The following POC1B variants were observed in gnomAD, a reference collection of about 807,000 sequenced individuals.
The protein encoded by POC1B is POC1 centriolar protein B.
Under a neutral mutation model 60.6 loss-of-function variants are expected in POC1B, and 44 were observed. The observed-to-expected ratio is 0.73, with a 90% CI of 0.57 to 0.93. The LOEUF (loss-of-function observed/expected upper bound fraction) is 0.93. POC1B is among the 40% of genes least tolerant of loss of function. The probability of loss-of-function intolerance (pLI) is 0.00; values close to 1 mark genes in which losing one functional copy is unlikely to be tolerated. For missense variants in POC1B, 555 were observed against 572.3 expected (o/e 0.97, Z 0.31); for synonymous variants, 180 against 198.9 (o/e 0.90, Z 0.80).
At chr12:89,410,816 G>A in the POC1B span, among the ~76,000 whole-genome samples, 1 of 152,282 alleles carries the variant, frequency 6.6e-6, no homozygotes, top group East Asian at 1.9e-4. Context: ...AATAGGAAAA[G>A]AAGAAGCCAA....
At chr12:89,489,261 G>C (rs1235839937) in intron 4 of POC1B, among the ~76,000 whole-genome samples, 1 of 152,162 alleles carries the variant, frequency 6.6e-6, no homozygotes, top group Non-Finnish European at 1.5e-5. Context: ...CTATGTGGCA[G>C]GTTACTACTA....
At chr12:89,451,712 C>T (rs900571132) in intron 10 of POC1B, among the ~76,000 whole-genome samples, 1 of 152,152 alleles carries the variant, frequency 6.6e-6, no homozygotes, top group African/African-American at 2.4e-5. Flanking sequence ...GCAGGAAGAA[C>T]TGACTGAAAA....
At chr12:89,453,125 T>C (rs1365108040) in intron 10 of POC1B, among the ~76,000 whole-genome samples, 1 of 152,240 alleles carries the variant, frequency 6.6e-6, no homozygotes, top group African/African-American at 2.4e-5. Flanking sequence ...TTAGTTATCA[T>C]GTATGTTCTG....
intron 10 of POC1B, among the ~76,000 whole-genome samples, chr12:89,452,768 A>G (rs1018306569): frequency 4.6e-5 from 7 of 152,120 alleles, no homozygotes; most frequent in Non-Finnish European, 1.0e-4. Flanking sequence ...TAAACTTTAC[A>G]GCTATACAGA....
intron 2 of POC1B, among the ~76,000 whole-genome samples, chr12:89,507,280 A>C (rs1343039776): frequency 6.6e-6 from 1 of 150,544 alleles, no homozygotes; most frequent in African/African-American, 2.4e-5. Flanking sequence ...AAAAAAAAAA[A>C]AAAAAAAAAA....
downstream of POC1B, among the ~76,000 whole-genome samples, chr12:89,415,775 A>T (rs1880353715): frequency 6.6e-6 from 1 of 152,228 alleles, no homozygotes; most frequent in African/African-American, 2.4e-5. Flanking sequence ...TTTTATGGTT[A>T]AGGAAACTAA....
Position 89,459,728 on chromosome 12 carries a change from T to C in POC1B, c.1033-10A>G. ...CAAGCTTTGGATTAATCTGTGTATA[T>C]ACATAAAAAAAAATTATGAGATTTT... On this transcript the variant is annotated splice_polypyrimidine_tract_variant and intron_variant, in intron 9 of 11. Transcript: ENST00000313546. 1 of 1,424,772 alleles carries C rather than the reference T, an allele frequency of 7.0e-7. No homozygotes were observed. Among genetic ancestry groups the C allele is most frequent in the Non-Finnish European group, 9.4e-7 (1 of 1,066,006 alleles). The allele number at this position is 1,424,772 out of a possible 1,614,324, so 88.3% of individuals were successfully genotyped here. A position where few individuals can be genotyped will look rare whatever the true frequency, so the allele number is the denominator to read the frequency against.
rs189731150 is a variant in POC1B at position 89,462,962 on chromosome 12, T to C, written c.1033-3244A>G. Among the ~76,000 whole-genome samples the C allele has an allele frequency of 8.5e-4, 129 of 152,304 alleles. 1 individual carries two copies. The highest frequency in any genetic ancestry group is 3.9e-3 in the Admixed American group (59 of 15,298). On this transcript the variant is annotated intron_variant, in intron 9 of 11. Transcript: ENST00000313546. ...AGTTAGAAGTAGAATACAAAATGGA[T>C]AGACAAGTGGTCATTTTAAAAAATC...
chr12:89,467,541 G>C (rs1017152814), intron 8 of POC1B, 76 bp downstream of exon 8: 5 of 1,211,140 alleles, frequency 4.1e-6, no homozygotes, highest in Middle Eastern at 3.8e-4. Flanking sequence ...AAACTAGCTG[G>C]TTGTAAAACT....
At chr12:89,503,101 C>CCCTATT (rs1869667315) in intron 2 of POC1B, among the ~76,000 whole-genome samples, 2 of 152,054 alleles carry the variant, frequency 1.3e-5, no homozygotes, top group South Asian at 4.2e-4. Flanking sequence ...CTATCCCTAT[C>CCCTATT]CCTATCCCTC....
intron 7 of POC1B, 125 bp downstream of exon 7, chr12:89,470,236 A>G (rs1381990255): frequency 4.0e-6 from 2 of 502,198 alleles, no homozygotes; most frequent in African/African-American, 2.1e-5. Context: ...AAAAAATTTT[A>G]TGATAGCAGC....
At chr12:89,476,163 T>G (rs1243348785) in intron 4 of POC1B, among the ~76,000 whole-genome samples, 1 of 151,984 alleles carries the variant, frequency 6.6e-6, no homozygotes, top group Non-Finnish European at 1.5e-5. Context: ...TGCCTTCACC[T>G]CCCAAAGTGC....
chr12:89,525,288 A>G (rs1473288598), intron 1 of POC1B, 84 bp from the exon 2 acceptor site: 12 of 1,510,674 alleles, frequency 7.9e-6, no homozygotes, highest in Non-Finnish European at 1.1e-5. Flanking sequence ...ACTTCCCCGG[A>G]GTCCGGCTTG....
At chr12:89,494,711 CT>C (rs561360819) in intron 3 of POC1B, among the ~76,000 whole-genome samples, 48 of 152,310 alleles carry the variant, frequency 3.2e-4, no homozygotes, top group Non-Finnish European at 5.7e-4. Context: ...GCAGCTTCTG[CT>C]TTGATTCTCC....
intron 10 of POC1B, among the ~76,000 whole-genome samples, chr12:89,454,236 T>C (rs1882166064): frequency 6.6e-6 from 1 of 152,184 alleles, no homozygotes; most frequent in Non-Finnish European, 1.5e-5. Context: ...TTACTGTCCC[T>C]GGGGAAGGGA....
chr12:89,507,266 CAAAAAAAAA>C (rs34750133), intron 2 of POC1B, among the ~76,000 whole-genome samples: 34 of 64,050 alleles, frequency 5.3e-4, no homozygotes, highest in Non-Finnish European at 8.3e-4. Context: ...GGCCCTGTCT[CAAAAAAAAA>C]AAAAAAAAAA....
At chr12:89,448,865 T>C (rs922031162) in intron 10 of POC1B, among the ~76,000 whole-genome samples, 1 of 152,210 alleles carries the variant, frequency 6.6e-6, no homozygotes, top group East Asian at 1.9e-4. Context: ...CAAGTAGGAA[T>C]AGGCAATGCT....
intron 4 of POC1B, among the ~76,000 whole-genome samples, chr12:89,483,191 C>T (rs1269009130): frequency 6.6e-6 from 1 of 152,172 alleles, no homozygotes; most frequent in African/African-American, 2.4e-5. Context: ...TGTGAGCTAC[C>T]ATGTCCGACA....
intron 2 of POC1B, among the ~76,000 whole-genome samples, chr12:89,506,687 A>G (rs935713980): frequency 2.0e-5 from 3 of 152,180 alleles, no homozygotes; most frequent in African/African-American, 7.2e-5. Flanking sequence ...AAGCTCTTAT[A>G]GGAAAATAAT....
Sources: gnomAD v4.1 joint callset for allele counts (sites outside exome capture counted in the v4.1 genomes callset) on GRCh38, gnomAD v4.1.1 for gene constraint, MANE v1.5 for transcripts, NCBI Gene and HGNC (gene_info 2026-07-23, HGNC 2026-07-21) for gene names.